PAGE2B: variants seen among roughly 807,000 people sequenced by gnomAD.
PAGE2B encodes the protein putative G antigen family E member 3.
PAGE2B carries 5 observed loss-of-function variants against 7.6 expected under a neutral mutation model. The ratio of observed to expected loss-of-function variants is 0.66; its 90% confidence interval spans 0.34 to 1.38. The LOEUF (loss-of-function observed/expected upper bound fraction) is 1.38. PAGE2B is among the 40% of genes most tolerant of loss of function. PAGE2B has a pLI of 0.04. For missense variants in PAGE2B, 70 were observed against 78.4 expected (o/e 0.89, Z 0.41); for synonymous variants, 29 against 26.7 (o/e 1.09, Z -0.27).
At chrX:55,034,377 G>T in the PAGE2B span, among the ~76,000 whole-genome samples, 1 of 111,817 alleles carries the variant, frequency 8.9e-6, no homozygotes, top group Admixed American at 9.5e-5. Context: ...TTCTTAGACA[G>T]CTTTTCCAAT....
chrX:55,034,076 AGTGGG>A, the PAGE2B span, among the ~76,000 whole-genome samples: 6 of 111,832 alleles, frequency 5.4e-5, no homozygotes, highest in Admixed American at 3.8e-4. Context: ...ACTTGTGATG[AGTGGG>A]GATTAAGGAA....
chrX:55,035,045 AG>A, the PAGE2B span, among the ~76,000 whole-genome samples: 1 of 110,027 alleles, frequency 9.1e-6, no homozygotes, highest in Non-Finnish European at 1.9e-5. Flanking sequence ...ATTTGCTGGC[AG>A]CCAATTAGAT....
chrX:55,047,036 T>A, the PAGE2B span, among the ~76,000 whole-genome samples: 2 of 111,060 alleles, frequency 1.8e-5, no homozygotes, highest in East Asian at 5.7e-4. Context: ...CATTAACTCG[T>A]CATTTAACAT....
chrX:55,035,487 G>C, the PAGE2B span, among the ~76,000 whole-genome samples: 7 of 111,558 alleles, frequency 6.3e-5, no homozygotes, highest in Non-Finnish European at 1.1e-4. Context: ...GAGGTCTTAA[G>C]ATGTTTACTG....
chrX:55,068,453 G>C, the PAGE2B span, among the ~76,000 whole-genome samples: 1 of 111,865 alleles, frequency 8.9e-6, no homozygotes, highest in Non-Finnish European at 1.9e-5. Context: ...TTGTAGTACA[G>C]TTTGAAGTCA....
the PAGE2B span, among the ~76,000 whole-genome samples, chrX:55,036,281 A>G: frequency 4.6e-4 from 51 of 111,245 alleles, no homozygotes; most frequent in Non-Finnish European, 7.9e-4. Flanking sequence ...TCCTAATTGA[A>G]TGCCCTTTAT....
the PAGE2B span, among the ~76,000 whole-genome samples, chrX:55,046,521 G>A: frequency 3.6e-5 from 4 of 111,768 alleles, no homozygotes; most frequent in Non-Finnish European, 3.8e-5. Context: ...AAAAAGAGAG[G>A]GATTGGAGAA....
At chrX:55,052,403 A>G in the PAGE2B span, among the ~76,000 whole-genome samples, 3 of 112,564 alleles carry the variant, frequency 2.7e-5, no homozygotes, top group Non-Finnish European at 5.6e-5. Context: ...CCCTGCCCCC[A>G]GAGGTGGAGC....
chrX:55,075,888 G>C (rs1183228279), intron 1 of PAGE2B, 146 bp from the exon 2 acceptor site: 2 of 554,804 alleles, frequency 3.6e-6, no homozygotes, highest in African/African-American at 4.8e-5. Flanking sequence ...TGATTGGAAA[G>C]CGTGGGTACT....
At chrX:55,044,493 T>C in the PAGE2B span, among the ~76,000 whole-genome samples, 1 of 111,043 alleles carries the variant, frequency 9.0e-6, no homozygotes, top group African/African-American at 3.3e-5. Flanking sequence ...AGACTACACA[T>C]TGAGTACAGC....
At chrX:55,039,826 G>C in the PAGE2B span, among the ~76,000 whole-genome samples, 1 of 111,929 alleles carries the variant, frequency 8.9e-6, no homozygotes, top group Non-Finnish European at 1.9e-5. Context: ...GATTCAGCCC[G>C]GGGCTGGCCC....
chrX:55,031,160 C>G, the PAGE2B span: 4 of 247,619 alleles, frequency 1.6e-5, no homozygotes, highest in Non-Finnish European at 3.1e-5. Context: ...TGGCTCTTCC[C>G]TATTTTCTTC....
chrX:55,064,825 T>C, the PAGE2B span, among the ~76,000 whole-genome samples: 4 of 111,844 alleles, frequency 3.6e-5, no homozygotes, highest in Non-Finnish European at 7.5e-5. Context: ...TTCAGAAGCA[T>C]ATTGTTTGAT....
At chrX:55,072,559 T>C (rs748514711), upstream of PAGE2B, among the ~76,000 whole-genome samples, 2 of 112,566 alleles carry the variant, frequency 1.8e-5, no homozygotes, top group South Asian at 7.3e-4. Context: ...AGGCAGTCTG[T>C]CCCTTACCAG....
At chrX:55,054,085 G>A in the PAGE2B span, among the ~76,000 whole-genome samples, 9 of 110,238 alleles carry the variant, frequency 8.2e-5, no homozygotes, top group South Asian at 2.7e-3. Flanking sequence ...GTGGTGGCAC[G>A]CACCCGTAGT....
the PAGE2B span, among the ~76,000 whole-genome samples, chrX:55,051,200 C>T: frequency 8.9e-6 from 1 of 111,737 alleles, no homozygotes; most frequent in Non-Finnish European, 1.9e-5. Context: ...ATGGGCTTCC[C>T]TTTGTGGGTC....
chrX:55,036,507 T>A, the PAGE2B span, among the ~76,000 whole-genome samples: 1 of 111,470 alleles, frequency 9.0e-6, no homozygotes, highest in Admixed American at 9.6e-5. Flanking sequence ...GTTTTTAGCA[T>A]GAAGGGTTGT....
chrX:55,028,229 G>A, the PAGE2B span, among the ~76,000 whole-genome samples: 1 of 110,800 alleles, frequency 9.0e-6, no homozygotes, highest in African/African-American at 3.3e-5. Flanking sequence ...TATCGCCATT[G>A]GGGTCTGACC....
the PAGE2B span, among the ~76,000 whole-genome samples, chrX:55,068,621 C>T: frequency 2.7e-5 from 3 of 111,861 alleles, no homozygotes; most frequent in Non-Finnish European, 5.6e-5. Context: ...CTATAAATTA[C>T]TTTGGGCAGT....
Sources: allele counts gnomAD v4.1 joint callset (sites outside exome capture counted in the v4.1 genomes callset), GRCh38; gene constraint gnomAD v4.1.1; transcripts MANE v1.5; gene names NCBI Gene and HGNC (gene_info 2026-07-23, HGNC 2026-07-21).